TEP1: variants seen among roughly 807,000 people sequenced by gnomAD.
TEP1 encodes the protein telomerase protein component 1.
In TEP1, 241 loss-of-function variants were observed where a neutral mutation model predicts 306.3. The observed-to-expected ratio is 0.79, with a 90% CI of 0.71 to 0.88. The LOEUF (loss-of-function observed/expected upper bound fraction) is 0.88. Ranked by LOEUF, TEP1 falls within the 40% of genes least tolerant of loss-of-function variation. The probability of loss-of-function intolerance (pLI) is 0.00; values close to 1 mark genes in which losing one functional copy is unlikely to be tolerated. For missense variants in TEP1, 3,051 were observed against 3,276.1 expected (o/e 0.93, Z 1.68); for synonymous variants, 1,289 against 1,305.5 (o/e 0.99, Z 0.27).
At position 20,375,756 on chromosome 14, in the gene TEP1, A is replaced by C; in HGVS notation, c.6362T>G (p.Leu2121Arg). 1 of 1,610,820 alleles carries C rather than the reference A, an allele frequency of 6.2e-7. No homozygotes were observed. The highest frequency in any genetic ancestry group is 8.5e-7 in the Non-Finnish European group (1 of 1,177,638). The change falls in exon 43 of 55, where the codon CTG becomes CGG. Residue 2121 changes from leucine (L) to arginine (R), a missense_variant and splice_region_variant. Around this residue, in one of 3 missense-constraint regions of TEP1, gnomAD observed 1,540 missense variants for 1,705.9 expected, o/e 0.90. Transcript: ENST00000262715. The part of the protein sequence containing the change: ...TGCAWTKDNL[L>R]ISCSSDGSVG... ...TGCCACCCCTGGCCCTTTACTCACCAGTAGGTTATCTTTGGTCCAGGCACA... is the reference window on the plus strand; with the variant it reads ...TGCCACCCCTGGCCCTTTACTCACCCGTAGGTTATCTTTGGTCCAGGCACA...
Position 20,400,137 on chromosome 14 carries a change from CAAAAAAAAAAAAA to C in TEP1, c.1549+834_1549+846del, listed in dbSNP as rs58121179. Among the ~76,000 whole-genome samples, 34 of 80,488 alleles carry C rather than the reference CAAAAAAAAAAAAA, an allele frequency of 4.2e-4. No individual in the cohort carries two copies. In the South Asian group the frequency reaches 4.7e-3, roughly 11 times the overall value. 52.8% of individuals were successfully genotyped at this position (80,488 alleles called of 152,430 possible). A position where few individuals can be genotyped will look rare whatever the true frequency, so the allele number is the denominator to read the frequency against. The stretch of plus-strand genomic sequence containing the variant: ...GGGCAAAAAGAGCAAAACTCCGTCT[CAAAAAAAAAAAAA>C]AAAAAAAAAAAAGAATTATCTACAT... On this transcript the variant is annotated intron_variant, in intron 9 of 54. Coordinates refer to ENST00000262715, the MANE Select transcript of TEP1 (RefSeq NM_007110.5).
intron 20 of TEP1, 28 bp from the exon 21 acceptor site, chr14:20,385,137 T>C (rs1351531247): frequency 6.2e-7 from 1 of 1,612,750 alleles, no homozygotes. Context: ...ACAGTGAGTT[T>C]AGTCCTAGGC....
rs1250084438 is a variant in TEP1 at position 20,369,623 on chromosome 14, A to G, written c.7424-47T>C. Reference sequence around the variant, plus strand: ...TAGAGCCAAGTCTCAGGGATCTGCCATCCACCCTGGGCCATCTCCCGGCTC... The same window carrying G: ...TAGAGCCAAGTCTCAGGGATCTGCCGTCCACCCTGGGCCATCTCCCGGCTC... On this transcript the variant is annotated intron_variant, in intron 52 of 54. Transcript: ENST00000262715. 1.9e-6 allele frequency: 3 copies of G among 1,612,432 alleles called. No homozygotes were observed. In the East Asian group the frequency reaches 6.7e-5, roughly 36 times the overall value.
chr14:20,382,178 G>C, intron 29 of TEP1, 46 bp downstream of exon 29: 2 of 1,613,488 alleles, frequency 1.2e-6, no homozygotes, highest in Non-Finnish European at 1.7e-6. Context: ...AATGTAATCC[G>C]AACCCTGGCC....
At position 20,373,291 on chromosome 14, in the gene TEP1, A is replaced by C; in HGVS notation, c.6793T>G (p.Trp2265Gly). Reference sequence around the variant, plus strand: ...TCACCTGCTTCCTTAGGAACCTGCCAGAGCCGTACAGAACCATCCTCAGAG... The same window carrying C: ...TCACCTGCTTCCTTAGGAACCTGCCCGAGCCGTACAGAACCATCCTCAGAG... ...TASEDGSVRL[W>G]QVPKEADDTC... Residue 2265 changes from tryptophan (W) to glycine (G), a missense_variant, in exon 47 of 55, where the codon TGG becomes GGG. Trp to Gly is a radical substitution (Grantham distance 184). Coordinates refer to ENST00000262715, the MANE Select transcript of TEP1 (RefSeq NM_007110.5). 1 of 1,614,172 alleles carries C rather than the reference A, an allele frequency of 6.2e-7. No homozygotes were observed. The highest frequency in any genetic ancestry group is 8.5e-7 in the Non-Finnish European group (1 of 1,180,016).
In TEP1 at chr14:20,378,463, G is replaced by A. The variant is rs201423218; in HGVS notation, c.5425C>T (p.His1809Tyr). Residue 1809 changes from histidine to tyrosine, a missense_variant, in exon 38 of 55, where the codon CAC becomes TAC. This residue lies in a region of TEP1 where 1,540 missense variants were observed against 1,705.9 expected (regional missense o/e 0.90). Coordinates refer to ENST00000262715, the MANE Select transcript of TEP1 (RefSeq NM_007110.5). ...YPKSLNCVAFHPEGQVIATGS... is the reference protein window; with the variant it reads ...YPKSLNCVAFYPEGQVIATGS... ...GTGGCTATTACCTGCCCCTCTGGGT[G>A]GAAGGCAACACAGTTCAGGGACTTG... The A allele has an allele frequency of 1.5e-4, 235 of 1,614,124 alleles. No individual in the cohort carries two copies. The highest frequency in any genetic ancestry group is 1.8e-4 in the Non-Finnish European group (207 of 1,180,058).
rs866933866 is a variant in TEP1 at position 20,383,426 on chromosome 14, C to T, written c.3867+62G>A. ...CCACATTGGAGAGGCCTCTCTCCTC[C>T]GTGCCGTATCCCTCCTTCTCCCCAG... On this transcript the variant is annotated intron_variant, in intron 26 of 54. Coordinates refer to ENST00000262715, the MANE Select transcript of TEP1 (RefSeq NM_007110.5). 13 of 1,610,296 alleles carry T rather than the reference C, an allele frequency of 8.1e-6. No homozygotes were observed. The Middle Eastern group carries it at 6.6e-4, about 82-fold the overall frequency.
At position 20,384,461 on chromosome 14, in the gene TEP1, C is replaced by T. The variant is rs1876934539; in HGVS notation, c.3269G>A (p.Gly1090Asp). The T allele has an allele frequency of 6.2e-7, 1 of 1,614,144 alleles. No homozygotes were observed. The highest frequency in any genetic ancestry group is 8.5e-7 in the Non-Finnish European group (1 of 1,180,030). The change falls in exon 23 of 55, where the codon GGC (glycine) becomes GAC (aspartate). Residue 1090 changes from glycine (G) to aspartate (D), a missense_variant. By Grantham distance (94) the Gly-to-Asp change is moderately conservative. Around this residue, in one of 3 missense-constraint regions of TEP1, gnomAD observed 1,507 missense variants for 1,550.5 expected, o/e 0.97. Transcript: ENST00000262715. ...GGVAAGRPYV[G>D]GLEEFGQLVL... ...CAACTGCCCAAACTCCTCCAGCCCG[C>T]CAACATAGGGCCGGCCAGCTGCCAC...
chr14:20,378,206 T>C lies in TEP1; in HGVS notation c.5539A>G (p.Thr1847Ala). 6.2e-7 allele frequency: 1 copy of C among 1,613,498 alleles called. No individual in the cohort carries two copies. The highest frequency in any genetic ancestry group is 8.5e-7 in the Non-Finnish European group (1 of 1,179,990). The change falls in exon 39 of 55, where the codon ACC becomes GCC. Residue 1847 changes from threonine to alanine, a missense_variant. Physicochemically the swap from Thr to Ala is moderately conservative, Grantham distance 58 (BLOSUM62 0). Coordinates refer to ENST00000262715, the MANE Select transcript of TEP1 (RefSeq NM_007110.5). ...DLGAPGASIR[T>A]LAFNVPGGVV... Reference sequence around the variant, plus strand: ...CCCCCAGGCACATTGAAGGCCAAGGTACGGATAGAGGCTCCGGGTGCCCCC... The same window carrying C: ...CCCCCAGGCACATTGAAGGCCAAGGCACGGATAGAGGCTCCGGGTGCCCCC...
intron 17 of TEP1, 52 bp from the exon 18 acceptor site, chr14:20,388,115 G>T (rs1307560447): frequency 6.3e-7 from 1 of 1,599,670 alleles, no homozygotes; most frequent in Non-Finnish European, 8.5e-7. Flanking sequence ...GTCGAAATCA[G>T]TGAGGTCTTC....
At chr14:20,377,873 C>A (rs1885284514) in intron 39 of TEP1, 120 bp from the exon 40 acceptor site, 1 of 1,473,826 alleles carries the variant, frequency 6.8e-7, no homozygotes, top group South Asian at 1.2e-5. Flanking sequence ...ATGAGAGCTG[C>A]CCCTGCACAC....
chr14:20,391,819 T>C, intron 12 of TEP1, 52 bp from the exon 13 acceptor site: 1 of 1,581,872 alleles, frequency 6.3e-7, no homozygotes. Flanking sequence ...ATCTGCCCCT[T>C]AGAGGCAGAC....
Position 20,378,180 on chromosome 14 carries a change from C to A in TEP1, c.5565G>T (p.Gly1855=), listed in dbSNP as rs370150728. ...IRTLAFNVPG[G]VVAVGRLDSM... ...TGTCCAGCCGGCCCACAGCCACAAC[C>A]CCCCCAGGCACATTGAAGGCCAAGG... Residue 1855 remains glycine, a synonymous_variant, in exon 39 of 55, where the codon GGG becomes GGT. Coordinates refer to ENST00000262715, the MANE Select transcript of TEP1 (RefSeq NM_007110.5). 3.7e-6 allele frequency: 6 copies of A among 1,613,808 alleles called. No individual in the cohort carries two copies. In the Admixed American group the frequency reaches 5.0e-5, roughly 13 times the overall value.
At chr14:20,375,719 A>G in intron 43 of TEP1, 36 bp downstream of exon 43, 1 of 1,473,122 alleles carries the variant, frequency 6.8e-7, no homozygotes, top group Non-Finnish European at 9.5e-7. Flanking sequence ...CCAGGAACCC[A>G]GCTGGGCTCT....
intron 19 of TEP1, 40 bp from the exon 20 acceptor site, chr14:20,386,235 G>A (rs750852071): frequency 6.8e-6 from 11 of 1,612,860 alleles, no homozygotes; most frequent in Non-Finnish European, 8.5e-6. Flanking sequence ...AGTCACTGGG[G>A]GCATGGTATC....
At chr14:20,399,668 A>G (rs1288317653) in intron 9 of TEP1, among the ~76,000 whole-genome samples, 1 of 148,968 alleles carries the variant, frequency 6.7e-6, no homozygotes, top group Non-Finnish European at 1.5e-5. Context: ...GTACATATAC[A>G]TATATTCTGG....
In TEP1 at chr14:20,401,022, A is replaced by G; in HGVS notation, c.1511T>C (p.Leu504Pro). 1 of 1,614,242 alleles carries G rather than the reference A, an allele frequency of 6.2e-7. No individual in the cohort carries two copies. The highest frequency in any genetic ancestry group is 8.5e-7 in the Non-Finnish European group (1 of 1,180,048). The part of the protein sequence containing the change: ...RPETWERELS[L>P]RGNKASVWEE... ...CCAGACCGACGCTTTGTTCCCCCGT[A>G]GGCTCAGCTCCCGCTCCCAGGTCTC... Residue 504 changes from leucine to proline, a missense_variant, in exon 9 of 55, where the codon CTA (leucine) becomes CCA (proline). Leu to Pro is a moderately conservative substitution (Grantham distance 98). Coordinates refer to ENST00000262715, the MANE Select transcript of TEP1 (RefSeq NM_007110.5).
intron 9 of TEP1, 133 bp downstream of exon 9, chr14:20,400,851 T>C (rs1034879496): frequency 1.8e-6 from 2 of 1,142,196 alleles, no homozygotes; most frequent in Non-Finnish European, 2.4e-6. Context: ...ATGGCAGACC[T>C]TATAAATCAA....
At chr14:20,394,477 T>G (rs1878014507) in intron 12 of TEP1, among the ~76,000 whole-genome samples, 1 of 142,892 alleles carries the variant, frequency 7.0e-6, no homozygotes, top group Non-Finnish European at 1.5e-5. Flanking sequence ...CCTTGGGCTT[T>G]TTTTTTTTTT....
Sources: gnomAD v4.1 joint callset for allele counts (sites outside exome capture counted in the v4.1 genomes callset) on GRCh38, gnomAD v4.1.1 for gene constraint, gnomAD v4.1.1 regional missense constraint, MANE v1.5 for transcripts, NCBI Gene and HGNC (gene_info 2026-07-23, HGNC 2026-07-21) for gene names.